Variants in MLLT6 observed in about 807,000 individuals in gnomAD.
The protein encoded by MLLT6 is MLLT6, PHD finger containing, also known as protein AF-17.
In MLLT6, 22 loss-of-function variants were observed where a neutral mutation model predicts 103.0. That is an observed-to-expected ratio of 0.21 (90% CI 0.15 to 0.31). The LOEUF (loss-of-function observed/expected upper bound fraction) is 0.31. MLLT6 is among the 10% of genes least tolerant of loss of function. MLLT6 has a pLI of 1.00. For missense variants in MLLT6, 1,199 were observed against 1,441.7 expected (o/e 0.83, Z 2.73); for synonymous variants, 606 against 623.5 (o/e 0.97, Z 0.42).
chr17:38,728,279 G>C lies in MLLT6; in HGVS notation c.*2681G>C, dbSNP rs1190774774. On this transcript the variant is annotated 3_prime_UTR_variant, in exon 20 of 20. Coordinates refer to ENST00000621332, the MANE Select transcript of MLLT6 (RefSeq NM_005937.4). ...GCTTCAGGAGGAGCAGAATACCAAC[G>C]CAGGGGGATGGCTGTAACGATCTCA... 1 of 233,258 alleles carries C rather than the reference G, an allele frequency of 4.3e-6. No individual in the cohort carries two copies. Among genetic ancestry groups the C allele is most frequent in the Non-Finnish European group, 8.5e-6 (1 of 118,098 alleles). 14.4% of individuals were successfully genotyped at this position (233,258 alleles called of 1,614,324 possible). A position where few individuals can be genotyped will look rare whatever the true frequency, so the allele number is the denominator to read the frequency against.
chr17:38,712,176 G>A, intron 7 of MLLT6, 162 bp downstream of exon 7: 1 of 947,078 alleles, frequency 1.1e-6, no homozygotes, highest in Non-Finnish European at 1.3e-6. Flanking sequence ...GAAACGGTGG[G>A]GGGGTGAGGC....
At chr17:38,707,742 G>T in intron 3 of MLLT6, 21 bp from the exon 4 acceptor site, 1 of 1,519,006 alleles carries the variant, frequency 6.6e-7, no homozygotes, top group South Asian at 1.1e-5. Context: ...TGCAGCTGAG[G>T]CTACCCCCAC....
In MLLT6 at chr17:38,729,443, T is replaced by C; in HGVS notation, c.*3845T>C. On this transcript the variant is annotated 3_prime_UTR_variant, in exon 20 of 20. Coordinates refer to ENST00000621332, the MANE Select transcript of MLLT6 (RefSeq NM_005937.4). The stretch of plus-strand genomic sequence containing the variant: ...GAACTGAGGGGTGCCTTCATTCCCC[T>C]TTGTTCACTTTCTCCAGCTCAACTT... The C allele has an allele frequency of 4.3e-6, 1 of 233,584 alleles. No individual in the cohort carries two copies. Among genetic ancestry groups the C allele is most frequent in the South Asian group, 1.8e-4 (1 of 5,518 alleles). 14.5% of individuals were successfully genotyped at this position (233,584 alleles called of 1,614,324 possible). A position where few individuals can be genotyped will look rare whatever the true frequency, so the allele number is the denominator to read the frequency against.
intron 2 of MLLT6, 72 bp downstream of exon 2, chr17:38,707,101 G>A: frequency 7.4e-7 from 1 of 1,352,230 alleles, no homozygotes; most frequent in Non-Finnish European, 1.0e-6. Context: ...TTGAGCTAGG[G>A]GACTCTGAGG....
chr17:38,721,229 T>C (rs1325780809), intron 16 of MLLT6: 1 of 175,742 alleles, frequency 5.7e-6, no homozygotes, highest in East Asian at 1.7e-4. Context: ...TCCAACAAAC[T>C]GGGTTCTTGT....
At chr17:38,722,305 A>T in intron 17 of MLLT6, 78 bp downstream of exon 17, 1 of 1,118,612 alleles carries the variant, frequency 8.9e-7, no homozygotes, top group Non-Finnish European at 1.2e-6. Context: ...TCCCCAAAAC[A>T]CCCACAATCC....
Position 38,719,741 on chromosome 17 carries a change from T to C in MLLT6, c.2010-9T>C. On this transcript the variant is annotated splice_polypyrimidine_tract_variant and intron_variant, in intron 13 of 19. Transcript: ENST00000621332. Reference sequence around the variant, plus strand: ...GGGTCGACTGAACCCAGGTTCCCTCTGGCCGCAGGTCCCCCATCAGCAGCC... The same window carrying C: ...GGGTCGACTGAACCCAGGTTCCCTCCGGCCGCAGGTCCCCCATCAGCAGCC... 6.2e-7 allele frequency: 1 copy of C among 1,605,016 alleles called. No individual in the cohort carries two copies. Among genetic ancestry groups the C allele is most frequent in the Non-Finnish European group, 8.5e-7 (1 of 1,174,096 alleles).
At chr17:38,707,393 AG>A (rs1365498804) in intron 2 of MLLT6, 92 bp from the exon 3 acceptor site, 3 of 1,234,752 alleles carry the variant, frequency 2.4e-6, no homozygotes, top group East Asian at 4.7e-5. Context: ...TCCACCCTAG[AG>A]CTTAGCATTT....
chr17:38,708,665 G>C (rs532451665), intron 4 of MLLT6, among the ~76,000 whole-genome samples: 57 of 152,202 alleles, frequency 3.7e-4, no homozygotes, highest in Non-Finnish European at 7.9e-4. Context: ...GGAGGCTGAG[G>C]GGGGTGGATC....
Position 38,726,366 on chromosome 17 carries a change from CGTGCATGTGTGTGTGTGTGT to C in MLLT6, c.*772_*791del, listed in dbSNP as rs1347298492. ...GTCTCAGTGTGTGAGTGTGTGTGTG[CGTGCATGTGTGTGTGTGTGT>C]GTGTGTGTGTGTGTGTCTGTCTGCC... is the stretch of plus-strand genomic sequence containing the variant. On this transcript the variant is annotated 3_prime_UTR_variant, in exon 20 of 20. Transcript: ENST00000621332. 8.7e-6 allele frequency: 2 copies of C among 228,768 alleles called. No individual in the cohort carries two copies. Among genetic ancestry groups the C allele is most frequent in the Non-Finnish European group, 8.5e-6 (1 of 117,304 alleles). The allele number at this position is 228,768 out of a possible 1,614,324, so 14.2% of individuals were successfully genotyped here. A position where few individuals can be genotyped will look rare whatever the true frequency, so the allele number is the denominator to read the frequency against.
chr17:38,709,168 T>C lies in MLLT6; in HGVS notation c.355-5T>C. On this transcript the variant is annotated splice_polypyrimidine_tract_variant and splice_region_variant and intron_variant, in intron 4 of 19. Coordinates refer to ENST00000621332, the MANE Select transcript of MLLT6 (RefSeq NM_005937.4). The surrounding 1 kb of genome is among the most constrained non-coding windows in gnomAD (Gnocchi z 4.3). The stretch of plus-strand genomic sequence containing the variant: ...AGGAGGGGACGATTGCGCTGTGTCC[T>C]GCAGACCTGTTACATCTGCGAGGAG... 1.2e-6 allele frequency: 2 copies of C among 1,609,922 alleles called. No homozygotes were observed. Among genetic ancestry groups the C allele is most frequent in the Non-Finnish European group, 1.7e-6 (2 of 1,178,184 alleles).
At chr17:38,706,884 C>T in intron 1 of MLLT6, 66 bp from the exon 2 acceptor site, 2 of 1,409,958 alleles carry the variant, frequency 1.4e-6, no homozygotes, top group Non-Finnish European at 2.0e-6. Context: ...CCGCCTTCCC[C>T]CAGTTACCCT....
At chr17:38,723,998 C>T (rs1481554478) in intron 18 of MLLT6, among the ~76,000 whole-genome samples, 9 of 152,148 alleles carry the variant, frequency 5.9e-5, no homozygotes. Flanking sequence ...CGGCCTCAGC[C>T]TCCCAAAGTG....
In MLLT6 at chr17:38,720,904, AG is replaced by A. The variant is rs146620601; in HGVS notation, c.2442+159del. The stretch of plus-strand genomic sequence containing the variant: ...CTCCCTTAATCAAGTAATATTTATG[AG>A]GTGCCCACTTAGTGCCAGCCATTGG... On this transcript the variant is annotated intron_variant, in intron 16 of 19. Transcript: ENST00000621332. 3.4e-3 allele frequency: 2,350 copies of A among 688,570 alleles called. 58 individuals are homozygous for A. In the African/African-American group the frequency reaches 0.038, roughly 11 times the overall value. The allele number at this position is 688,570 out of a possible 1,614,324, so 42.7% of individuals were successfully genotyped here. A position where few individuals can be genotyped will look rare whatever the true frequency, so the allele number is the denominator to read the frequency against.
At chr17:38,711,181 G>A (rs962655149) in intron 6 of MLLT6, among the ~76,000 whole-genome samples, 5 of 152,160 alleles carry the variant, frequency 3.3e-5, no homozygotes, top group Admixed American at 6.5e-5. Flanking sequence ...CTATAACCCC[G>A]GGGAGGGTGG....
chr17:38,716,765 G>T lies in MLLT6; in HGVS notation c.1435G>T (p.Gly479Cys). The T allele has an allele frequency of 6.2e-7, 1 of 1,609,618 alleles. No homozygotes were observed. The highest frequency in any genetic ancestry group is 8.5e-7 in the Non-Finnish European group (1 of 1,178,094). ...KASKRSRHGP[G>C]RPKGSRNKEG... is the part of the protein sequence containing the mutation. ...CAGCAAGAGGAGCCGCCATGGGCCAGGCCGTCCCAAGGGCAGCCGGAACAA... is the reference window on the plus strand; with the variant it reads ...CAGCAAGAGGAGCCGCCATGGGCCATGCCGTCCCAAGGGCAGCCGGAACAA... Residue 479 changes from glycine to cysteine, a missense_variant, in exon 10 of 20, where the codon GGC becomes TGC. Gly to Cys is a radical substitution (Grantham distance 159). Transcript: ENST00000621332. The surrounding 1 kb of genome is among the most constrained non-coding windows in gnomAD (Gnocchi z 5.6).
At position 38,724,393 on chromosome 17, in the gene MLLT6, C is replaced by T. The variant is rs1430931896; in HGVS notation, c.2884-227C>T. The T allele has an allele frequency of 1.8e-5, 9 of 495,956 alleles. No individual in the cohort carries two copies. Among genetic ancestry groups the T allele is most frequent in the Non-Finnish European group, 2.5e-5 (7 of 282,156 alleles). 30.7% of individuals were successfully genotyped at this position (495,956 alleles called of 1,614,324 possible). On this transcript the variant is annotated intron_variant, in intron 18 of 19. Transcript: ENST00000621332. This position sits in a 1 kb window ranked among gnomAD's most constrained non-coding sequence, Gnocchi z 5.4. ...AGATATTAAATACCCTGCTGTTGGC[C>T]GGCAGTGCTGCAGCTGGCAAATACC...
rs1449521105 is a variant in MLLT6 at position 38,728,629 on chromosome 17, C to T, written c.*3031C>T. 1.7e-5 allele frequency: 4 copies of T among 233,764 alleles called. No homozygotes were observed. The highest frequency in any genetic ancestry group is 3.4e-5 in the Non-Finnish European group (4 of 118,222). The allele number at this position is 233,764 out of a possible 1,614,324, so 14.5% of individuals were successfully genotyped here. ...TGTCTTTAGGGGTCATTTCAGCCAG[C>T]TCCTCCCATCACAGATGACAGCTCC... On this transcript the variant is annotated 3_prime_UTR_variant, in exon 20 of 20. Transcript: ENST00000621332.
Position 38,715,625 on chromosome 17 carries a change from C to G in MLLT6, c.833C>G (p.Ala278Gly). Residue 278 changes from alanine (A) to glycine (G), a missense_variant, in exon 9 of 20, where the codon GCT becomes GGT. Ala to Gly is a moderately conservative substitution (Grantham distance 60). This residue lies in a region of MLLT6 where 1,034 missense variants were observed against 1,091.5 expected (regional missense o/e 0.95). Transcript: ENST00000621332. The stretch of plus-strand genomic sequence containing the variant: ...CCTCTCCTTCAGGTCTCCTCCTCGG[C>G]TTCCTCTTCCTCCCACCACGAGGCC... The part of the protein sequence containing the change: ...VPTADKVSSS[A>G]SSSSHHEAST... 6.2e-7 allele frequency: 1 copy of G among 1,612,892 alleles called. No homozygotes were observed. The highest frequency in any genetic ancestry group is 8.5e-7 in the Non-Finnish European group (1 of 1,179,608).
Sources: gnomAD v4.1 joint callset for allele counts (sites outside exome capture counted in the v4.1 genomes callset) on GRCh38, gnomAD v4.1.1 for gene constraint, gnomAD v4.1.1 regional missense constraint, Gnocchi (gnomAD v3.1) non-coding constraint, MANE v1.5 for transcripts, NCBI Gene and HGNC (gene_info 2026-07-23, HGNC 2026-07-21) for gene names.